SLC9A9: variants seen among roughly 807,000 people sequenced by gnomAD.
SLC9A9 encodes solute carrier family 9 member A9.
In SLC9A9, 62 loss-of-function variants were observed where a neutral mutation model predicts 77.8. The observed-to-expected ratio is 0.80, with a 90% CI of 0.65 to 0.98. The LOEUF is 0.98. Ranked by LOEUF, SLC9A9 falls within the 50% of genes least tolerant of loss-of-function variation. SLC9A9 has a pLI of 0.00. For missense variants in SLC9A9, 775 were observed against 774.9 expected (o/e 1.00, Z 0.00); for synonymous variants, 320 against 283.5 (o/e 1.13, Z -1.29).
chr3:143,802,625 C>T (rs1177896316), intron 2 of SLC9A9, among the ~76,000 whole-genome samples: 4 of 152,132 alleles, frequency 2.6e-5, no homozygotes, highest in African/African-American at 4.8e-5. Context: ...AGTCCGATAA[C>T]GGATGAGCCT....
intron 13 of SLC9A9, among the ~76,000 whole-genome samples, chr3:143,365,619 G>A (rs1576450810): frequency 6.6e-6 from 1 of 152,112 alleles, no homozygotes; most frequent in Non-Finnish European, 1.5e-5. Context: ...TGATAGGGCC[G>A]GAGTGCCATG....
At chr3:143,719,742 C>G (rs1934448235) in intron 4 of SLC9A9, among the ~76,000 whole-genome samples, 1 of 152,148 alleles carries the variant, frequency 6.6e-6, no homozygotes, top group African/African-American at 2.4e-5. Flanking sequence ...GAACTATCCC[C>G]AATTCTGATC....
At chr3:143,382,698 T>C (rs1269928075) in intron 12 of SLC9A9, among the ~76,000 whole-genome samples, 1 of 151,984 alleles carries the variant, frequency 6.6e-6, no homozygotes. Flanking sequence ...ACAAAAAAAA[T>C]TACATATGTT....
chr3:143,814,559 C>A (rs6785009), intron 2 of SLC9A9, among the ~76,000 whole-genome samples: 5,272 of 152,234 alleles, frequency 0.035, 312 homozygotes, highest in African/African-American at 0.12. Flanking sequence ...GTTTAGCAAT[C>A]CAAACACAGG....
At chr3:143,572,115 G>A (rs2037267842) in intron 8 of SLC9A9, among the ~76,000 whole-genome samples, 1 of 152,148 alleles carries the variant, frequency 6.6e-6, no homozygotes, top group African/African-American at 2.4e-5. Flanking sequence ...AAGGTGGTCT[G>A]TATGGCAGCT....
At chr3:143,783,875 G>T (rs76179461) in intron 4 of SLC9A9, among the ~76,000 whole-genome samples, 2,562 of 152,304 alleles carry the variant, frequency 0.017, 71 homozygotes, top group African/African-American at 0.059. Context: ...ATAGGGCATA[G>T]CTTCTTAAAC....
chr3:143,276,443 G>C (rs957046298), intron 14 of SLC9A9, among the ~76,000 whole-genome samples: 5 of 152,070 alleles, frequency 3.3e-5, no homozygotes, highest in Non-Finnish European at 7.4e-5. Context: ...TTATTTAATT[G>C]TTCTGCCTGT....
intron 4 of SLC9A9, among the ~76,000 whole-genome samples, chr3:143,785,942 C>T (rs977959784): frequency 2.7e-5 from 4 of 149,746 alleles, no homozygotes; most frequent in Admixed American, 2.0e-4. Context: ...CTGCAAGCTC[C>T]GCCTCCCGGG....
intron 2 of SLC9A9, among the ~76,000 whole-genome samples, chr3:143,817,523 A>C (rs896592649): frequency 6.6e-6 from 1 of 152,214 alleles, no homozygotes; most frequent in Non-Finnish European, 1.5e-5. Flanking sequence ...ATCTTTAAAA[A>C]ATATTTTCCT....
Position 143,265,760 on chromosome 3 carries a change from C to T in SLC9A9, c.*942G>A, listed in dbSNP as rs140803862. 1,723 of 493,934 alleles carry T rather than the reference C, an allele frequency of 3.5e-3. 16 individuals carry two copies. Among genetic ancestry groups the T allele is most frequent in the South Asian group, 0.014 (350 of 24,440 alleles). 30.6% of individuals were successfully genotyped at this position (493,934 alleles called of 1,614,324 possible). A position where few individuals can be genotyped will look rare whatever the true frequency, so the allele number is the denominator to read the frequency against. On this transcript the variant is annotated 3_prime_UTR_variant, in exon 16 of 16. Coordinates refer to ENST00000316549, the MANE Select transcript of SLC9A9 (RefSeq NM_173653.4). ...CACACATCATTGGCTCTGTTCCTCT[C>T]GCCCTGCTCCTGCACTGCTCATCAG...
At chr3:143,710,521 T>A (rs559526147) in intron 4 of SLC9A9, among the ~76,000 whole-genome samples, 31 of 151,678 alleles carry the variant, frequency 2.0e-4, no homozygotes, top group African/African-American at 6.8e-4. Flanking sequence ...CAACATTGTT[T>A]GGAATCTGTT....
rs2009459592 is a variant in SLC9A9 at position 143,832,329 on chromosome 3, G to T, written c.176-108C>A. On this transcript the variant is annotated intron_variant, in intron 1 of 15. Transcript: ENST00000316549. ...TCAGAAGTGACAGGATAAAGTGTTG[G>T]GTTATTGCCTGGTCTAGAAAAGTGT... 6.4e-6 allele frequency: 6 copies of T among 942,248 alleles called. No homozygotes were observed. The East Asian group carries it at 1.6e-4, about 24-fold the overall frequency. 58.4% of individuals were successfully genotyped at this position (942,248 alleles called of 1,614,324 possible).
chr3:143,827,159 T>A (rs1238555535), intron 2 of SLC9A9, among the ~76,000 whole-genome samples: 1 of 152,236 alleles, frequency 6.6e-6, no homozygotes, highest in African/African-American at 2.4e-5. Flanking sequence ...GACATTTTGG[T>A]ATTCCTAAAT....
chr3:143,639,845 T>G (rs899774296), intron 6 of SLC9A9, among the ~76,000 whole-genome samples: 1 of 152,242 alleles, frequency 6.6e-6, no homozygotes, highest in South Asian at 2.1e-4. Context: ...TTTTATCATA[T>G]GGTGTTTGGG....
chr3:143,517,988 A>G, intron 9 of SLC9A9: 2 of 1,434,664 alleles, frequency 1.4e-6, no homozygotes, highest in Non-Finnish European at 1.9e-6. Context: ...ATCAATTTCT[A>G]GATCACTTTC....
At chr3:143,377,007 T>A in intron 13 of SLC9A9, among the ~76,000 whole-genome samples, 1 of 152,196 alleles carries the variant, frequency 6.6e-6, no homozygotes, top group East Asian at 1.9e-4. Flanking sequence ...TGGAAAAATG[T>A]TGATAACTGT....
intron 6 of SLC9A9, among the ~76,000 whole-genome samples, chr3:143,632,428 T>C (rs1402256956): frequency 6.6e-6 from 1 of 152,068 alleles, no homozygotes; most frequent in Non-Finnish European, 1.5e-5. Context: ...ATCACATGGT[T>C]TAAAATAAAA....
chr3:143,795,134 A>C (rs1369916260), intron 3 of SLC9A9, 57 bp from the exon 4 acceptor site: 23 of 1,508,064 alleles, frequency 1.5e-5, no homozygotes, highest in South Asian at 9.1e-5. Flanking sequence ...TTAGTGCAAA[A>C]GAAAATAAAA....
At chr3:143,804,971 C>T (rs958164437) in intron 2 of SLC9A9, among the ~76,000 whole-genome samples, 16 of 152,124 alleles carry the variant, frequency 1.1e-4, no homozygotes, top group Non-Finnish European at 1.5e-4. Context: ...AAGGAGGACT[C>T]TGTATATTTT....
Sources: allele counts gnomAD v4.1 joint callset (sites outside exome capture counted in the v4.1 genomes callset), GRCh38; gene constraint gnomAD v4.1.1; transcripts MANE v1.5; gene names NCBI Gene and HGNC (gene_info 2026-07-23, HGNC 2026-07-21).